NAV1: variants seen among roughly 807,000 people sequenced by gnomAD.
NAV1 encodes the protein neuron navigator 1, also known as pore membrane and/or filament interacting like protein 3.
A neutral mutation model predicts 175.2 loss-of-function variants in NAV1; 18 were observed. The observed-to-expected ratio is 0.10, with a 90% CI of 0.07 to 0.15. NAV1 has a LOEUF of 0.15. Among genes scored for constraint, NAV1 ranks in the 10% least tolerant of loss-of-function variants. The pLI is 1.00. For synonymous variants in NAV1, 897 were observed against 978.7 expected, an observed-to-expected ratio of 0.92 and a Z score of 1.56; for missense variants, 1,731 against 2,436.6, an observed-to-expected ratio of 0.71 and a Z score of 6.10.
At chr1:201,805,214 G>T (rs1012882171) in intron 17 of NAV1, among the ~76,000 whole-genome samples, 1 of 152,136 alleles carries the variant, frequency 6.6e-6, no homozygotes, top group Non-Finnish European at 1.5e-5. Context: ...CTATAATCTC[G>T]TCATTAAGAA....
intron 28 of NAV1, among the ~76,000 whole-genome samples, chr1:201,815,039 CAA>C (rs554042432): frequency 9.2e-5 from 7 of 76,112 alleles, no homozygotes; most frequent in Middle Eastern, 6.3e-3. Context: ...GACTCTGTCT[CAA>C]AAAAAAAAAA....
intron 1 of NAV1, among the ~76,000 whole-genome samples, chr1:201,570,833 C>T (rs1666518902): frequency 6.6e-6 from 1 of 152,258 alleles, no homozygotes; most frequent in Admixed American, 6.5e-5. Flanking sequence ...CACACATTCT[C>T]CATCTCTGGA....
At chr1:201,767,552 A>G (rs1483854635) in intron 3 of NAV1, among the ~76,000 whole-genome samples, 1 of 152,244 alleles carries the variant, frequency 6.6e-6, no homozygotes, top group African/African-American at 2.4e-5. Context: ...ATATGTAATT[A>G]ATATAGAAAT....
intron 2 of NAV1, among the ~76,000 whole-genome samples, chr1:201,590,821 T>C (rs747586640): frequency 6.6e-6 from 1 of 152,150 alleles, no homozygotes; most frequent in Non-Finnish European, 1.5e-5. Flanking sequence ...CTGTGTGGAA[T>C]GGGGTGGGAT....
intron 1 of NAV1, among the ~76,000 whole-genome samples, chr1:201,672,583 C>T (rs1670083944): frequency 6.6e-6 from 1 of 152,162 alleles, no homozygotes; most frequent in African/African-American, 2.4e-5. Flanking sequence ...TTTTATGGGC[C>T]AGGAACCTGA....
Position 201,686,684 on chromosome 1 carries a change from G to T in NAV1, c.758-26133G>T, listed in dbSNP as rs551753241. 1.1e-4 allele frequency among the ~76,000 whole-genome samples: 16 copies of T among 152,274 alleles called. No homozygotes were observed. In the South Asian group the frequency reaches 3.3e-3, roughly 32 times the overall value. On this transcript the variant is annotated intron_variant, in intron 1 of 29. Transcript: ENST00000367296. ...CCATTTGCTTATTTCCATAGTTTCT[G>T]TAGGCAGGTTTTCTCTTGCTAGTTA...
chr1:201,735,348 C>T (rs904452682), intron 3 of NAV1, among the ~76,000 whole-genome samples: 2 of 152,260 alleles, frequency 1.3e-5, no homozygotes, highest in African/African-American at 2.4e-5. Flanking sequence ...GAACTAGATG[C>T]TCTCTAAAGT....
At chr1:201,642,382 T>G (rs1668796769) in intron 2 of NAV1, among the ~76,000 whole-genome samples, 2 of 151,568 alleles carry the variant, frequency 1.3e-5, no homozygotes, top group Non-Finnish European at 2.9e-5. Flanking sequence ...CCAGCTAATT[T>G]TTTGTTTGTT....
intron 1 of NAV1, among the ~76,000 whole-genome samples, chr1:201,580,640 G>T (rs1666826981): frequency 6.6e-6 from 1 of 152,192 alleles, no homozygotes; most frequent in Non-Finnish European, 1.5e-5. Context: ...GGGCGTGGTG[G>T]CGCACGCCTG....
At chr1:201,649,713 G>T (rs1669113997) in intron 1 of NAV1, among the ~76,000 whole-genome samples, 1 of 152,220 alleles carries the variant, frequency 6.6e-6, no homozygotes, top group South Asian at 2.1e-4. Context: ...GGGGGTTACA[G>T]GCTCTCAGAA....
intron 2 of NAV1, among the ~76,000 whole-genome samples, chr1:201,641,021 A>G (rs1195902791): frequency 6.6e-6 from 1 of 152,156 alleles, no homozygotes; most frequent in East Asian, 1.9e-4. Flanking sequence ...GAGTCAGGGA[A>G]GGCGGCCTAG....
chr1:201,591,020 G>A (rs976721175), intron 2 of NAV1, among the ~76,000 whole-genome samples: 1 of 151,942 alleles, frequency 6.6e-6, no homozygotes, highest in Non-Finnish European at 1.5e-5. Context: ...TTTCTTCATG[G>A]CCCCTCTCTC....
chr1:201,809,412 T>C, intron 21 of NAV1, 30 bp from the exon 26 acceptor site: 1 of 1,611,650 alleles, frequency 6.2e-7, no homozygotes, highest in Non-Finnish European at 8.5e-7. Context: ...GCAGTGAAGC[T>C]CAAGAGCTTT....
At chr1:201,651,327 CT>C (rs1669198272) in intron 1 of NAV1, among the ~76,000 whole-genome samples, 1 of 152,080 alleles carries the variant, frequency 6.6e-6, no homozygotes, top group Non-Finnish European at 1.5e-5. Flanking sequence ...CAGAAGCTGA[CT>C]GCCCATTGAA....
At chr1:201,814,041 G>A (rs190735634) in intron 28 of NAV1, among the ~76,000 whole-genome samples, 29 of 152,216 alleles carry the variant, frequency 1.9e-4, no homozygotes, top group African/African-American at 7.0e-4. Context: ...CTGGGCAACA[G>A]AGCGAGACTC....
chr1:201,713,320 G>A (rs1371105131), intron 2 of NAV1, among the ~76,000 whole-genome samples: 1 of 152,186 alleles, frequency 6.6e-6, no homozygotes, highest in Admixed American at 6.5e-5. Flanking sequence ...TAGGGGTCTA[G>A]AATCAATTCC....
intron 2 of NAV1, among the ~76,000 whole-genome samples, chr1:201,607,261 G>A (rs555692445): frequency 8.6e-5 from 13 of 151,164 alleles, no homozygotes; most frequent in South Asian, 2.1e-4. Context: ...GACTACAGGC[G>A]TCCACCACCA....
intron 3 of NAV1, among the ~76,000 whole-genome samples, chr1:201,760,914 C>G (rs984214723): frequency 6.6e-6 from 1 of 152,176 alleles, no homozygotes; most frequent in Non-Finnish European, 1.5e-5. Flanking sequence ...GAGGAATTAG[C>G]ATCCAATATT....
At chr1:201,744,312 G>GTATTTATTTATT (rs769362512) in intron 3 of NAV1, among the ~76,000 whole-genome samples, 50 of 145,666 alleles carry the variant, frequency 3.4e-4, no homozygotes, top group South Asian at 2.1e-4. Flanking sequence ...ATGTATGTAT[G>GTATTTATTTATT]TATGTATTTA....
Sources: gnomAD v4.1 joint callset for allele counts (sites outside exome capture counted in the v4.1 genomes callset) on GRCh38, gnomAD v4.1.1 for gene constraint, MANE v1.5 for transcripts, NCBI Gene and HGNC (gene_info 2026-07-23, HGNC 2026-07-21) for gene names.